The following ALK variants were observed in gnomAD, a reference collection of about 807,000 sequenced individuals.
ALK encodes the protein ALK tyrosine kinase receptor.
Under a neutral mutation model 163.1 loss-of-function variants are expected in ALK, and 74 were observed. The observed-to-expected ratio is 0.45, with a 90% confidence interval of 0.38 to 0.55. The LOEUF is 0.55. Ranked by LOEUF, ALK falls within the 20% of genes least tolerant of loss-of-function variation. The pLI is 0.00. For missense variants in ALK, 2,063 were observed against 2,105.3 expected, an observed-to-expected ratio of 0.98 and a Z score of 0.39; for synonymous variants, 960 against 843.2, an observed-to-expected ratio of 1.14 and a Z score of -2.40.
chr2:29,890,800 A>T (rs892988952), intron 1 of ALK: 5 of 152,186 alleles, frequency 3.3e-5, no homozygotes, highest in Non-Finnish European at 7.3e-5. Context: ...ATTCTGTGTT[A>T]TTGGAGACTT....
chr2:29,560,318 A>G (rs1673984616), intron 3 of ALK, among the ~76,000 whole-genome samples: 1 of 152,206 alleles, frequency 6.6e-6, no homozygotes, highest in Non-Finnish European at 1.5e-5. Flanking sequence ...TGAAGGCCAA[A>G]AACACTAGGC....
intron 3 of ALK, among the ~76,000 whole-genome samples, chr2:29,679,477 C>T (rs1365955200): frequency 6.6e-6 from 1 of 150,432 alleles, no homozygotes; most frequent in African/African-American, 2.4e-5. Context: ...GTTTCTTTCT[C>T]TTACATTTTG....
At position 29,237,896 on chromosome 2, in the gene ALK, C is replaced by T. The variant is rs557335455; in HGVS notation, c.2355+1784G>A. On this transcript the variant is annotated intron_variant, in intron 13 of 28. Coordinates refer to ENST00000389048, the MANE Select transcript of ALK (RefSeq NM_004304.5). Reference sequence around the variant, plus strand: ...TCCTGTAATACACAGGACAGATCCCCGCCCCTAGCCACAAAGAATTACCTG... The same window carrying T: ...TCCTGTAATACACAGGACAGATCCCTGCCCCTAGCCACAAAGAATTACCTG... 2.5e-4 allele frequency among the ~76,000 whole-genome samples: 38 copies of T among 152,282 alleles called. 1 individual carries two copies. In the South Asian group the frequency reaches 7.1e-3, roughly 28 times the overall value.
At chr2:29,709,565 G>T (rs1308039489) in intron 2 of ALK, among the ~76,000 whole-genome samples, 1 of 152,098 alleles carries the variant, frequency 6.6e-6, no homozygotes, top group Non-Finnish European at 1.5e-5. Flanking sequence ...GAGTGATAAC[G>T]CAGGACCACA....
intron 4 of ALK, among the ~76,000 whole-genome samples, chr2:29,483,284 A>G (rs943825618): frequency 2.0e-5 from 3 of 152,210 alleles, no homozygotes; most frequent in African/African-American, 4.8e-5. Context: ...AAAAACACCA[A>G]TGTCTAGGCA....
At chr2:29,478,799 A>G (rs757353199) in intron 4 of ALK, among the ~76,000 whole-genome samples, 3 of 152,268 alleles carry the variant, frequency 2.0e-5, no homozygotes, top group Non-Finnish European at 4.4e-5. Flanking sequence ...AGGATTTGGA[A>G]AGGTCAGGGA....
intron 1 of ALK, among the ~76,000 whole-genome samples, chr2:29,857,754 C>T (rs538386169): frequency 6.6e-6 from 1 of 152,218 alleles, no homozygotes; most frequent in Admixed American, 6.5e-5. Flanking sequence ...TCTATTATTC[C>T]CAAGAGATAG....
chr2:29,673,864 T>C (rs1450302557), intron 3 of ALK, among the ~76,000 whole-genome samples: 1 of 151,404 alleles, frequency 6.6e-6, no homozygotes, highest in Non-Finnish European at 1.5e-5. Flanking sequence ...TGAGCAGTGG[T>C]TTGTAGTTCT....
At chr2:29,196,606 A>C (rs972464315) in intron 28 of ALK, among the ~76,000 whole-genome samples, 164 bp downstream of exon 28, 1 of 152,234 alleles carries the variant, frequency 6.6e-6, no homozygotes, top group African/African-American at 2.4e-5. Context: ...AAAATGGGCA[A>C]ATGGAGACAC....
chr2:29,593,563 A>G (rs890841341), intron 3 of ALK, among the ~76,000 whole-genome samples: 1 of 152,232 alleles, frequency 6.6e-6, no homozygotes, highest in Non-Finnish European at 1.5e-5. Flanking sequence ...GCAGAAAATC[A>G]CAGTCACCTT....
intron 4 of ALK, among the ~76,000 whole-genome samples, chr2:29,395,071 G>T (rs971271760): frequency 6.6e-6 from 1 of 152,128 alleles, no homozygotes; most frequent in Non-Finnish European, 1.5e-5. Context: ...AGTCCTAGAA[G>T]CATCCTCCCT....
chr2:29,502,091 T>G (rs998969293), intron 4 of ALK, among the ~76,000 whole-genome samples: 2 of 152,212 alleles, frequency 1.3e-5, no homozygotes, highest in African/African-American at 4.8e-5. Context: ...ATTTAACAAA[T>G]TTTTAATGAG....
chr2:29,217,430 G>A (rs1043983151), intron 23 of ALK, among the ~76,000 whole-genome samples: 107 of 151,930 alleles, frequency 7.0e-4, no homozygotes, highest in Non-Finnish European at 1.2e-3. Flanking sequence ...TGGCAAACCC[G>A]ATGCTGAATC....
intron 4 of ALK, among the ~76,000 whole-genome samples, chr2:29,452,237 C>A (rs77060726): frequency 0.29 from 43,482 of 152,050 alleles, 7,227 homozygotes; most frequent in Non-Finnish European, 0.38. Context: ...ATTTCCTTTT[C>A]TCCAACAGGC....
intron 1 of ALK, among the ~76,000 whole-genome samples, chr2:29,730,349 A>G (rs1679706372): frequency 6.6e-6 from 1 of 152,222 alleles, no homozygotes; most frequent in Admixed American, 6.5e-5. Context: ...ATACAGAATT[A>G]TAGTGTTATG....
chr2:29,561,273 G>C (rs1674015471), intron 3 of ALK, among the ~76,000 whole-genome samples: 1 of 152,128 alleles, frequency 6.6e-6, no homozygotes. Flanking sequence ...TTCCATTCCA[G>C]AGATTGTGCT....
intron 1 of ALK, among the ~76,000 whole-genome samples, chr2:29,801,289 C>T (rs1049336599): frequency 6.6e-6 from 1 of 152,036 alleles, no homozygotes; most frequent in African/African-American, 2.4e-5. Context: ...CTTCATTGCA[C>T]CTAATTTGAA....
At chr2:29,860,332 A>G (rs779750523) in intron 1 of ALK, among the ~76,000 whole-genome samples, 1 of 150,142 alleles carries the variant, frequency 6.7e-6, no homozygotes, top group Non-Finnish European at 1.5e-5. Flanking sequence ...TTGCTCAACT[A>G]TGAGGATGGG....
chr2:29,449,240 G>C (rs1033108854), intron 4 of ALK, among the ~76,000 whole-genome samples: 1 of 152,180 alleles, frequency 6.6e-6, no homozygotes, highest in Middle Eastern at 3.2e-3. Flanking sequence ...TCACAATATA[G>C]TATGGTACCG....
Sources: gnomAD v4.1 joint callset for allele counts (sites outside exome capture counted in the v4.1 genomes callset) on GRCh38, gnomAD v4.1.1 for gene constraint, MANE v1.5 for transcripts, NCBI Gene and HGNC (gene_info 2026-07-23, HGNC 2026-07-21) for gene names.